FRMD6: variants seen among roughly 807,000 people sequenced by gnomAD.
FRMD6 encodes the protein FERM domain-containing protein 6.
FRMD6 carries 37 observed loss-of-function variants against 73.2 expected under a neutral mutation model. The ratio of observed to expected loss-of-function variants is 0.51; its 90% CI spans 0.39 to 0.66. FRMD6 has a LOEUF of 0.66. FRMD6 is among the 30% of genes least tolerant of loss of function. FRMD6 has a pLI of 0.00. For missense variants in FRMD6, 714 were observed against 780.5 expected, an observed-to-expected ratio of 0.91 and a Z score of 1.02; for synonymous variants, 273 against 282.2, an observed-to-expected ratio of 0.97 and a Z score of 0.33.
At chr14:51,671,515 G>A (rs1894002981) in intron 1 of FRMD6, among the ~76,000 whole-genome samples, 1 of 152,106 alleles carries the variant, frequency 6.6e-6, no homozygotes, top group African/African-American at 2.4e-5. Context: ...CATGTTATAA[G>A]ATACCTGAAT....
chr14:51,578,622 A>G (rs1289609620), intron 2 of FRMD6, among the ~76,000 whole-genome samples: 1 of 152,162 alleles, frequency 6.6e-6, no homozygotes, highest in Non-Finnish European at 1.5e-5. Flanking sequence ...GAGTTTTGCA[A>G]ATGCTTGCAT....
chr14:51,425,327 C>A, the FRMD6 span, among the ~76,000 whole-genome samples: 1 of 152,132 alleles, frequency 6.6e-6, no homozygotes, highest in Non-Finnish European at 1.5e-5. Flanking sequence ...CCTGAGGATT[C>A]CCAGGACTGA....
chr14:51,676,907 A>G (rs532515560), intron 1 of FRMD6, among the ~76,000 whole-genome samples: 1 of 152,248 alleles, frequency 6.6e-6, no homozygotes, highest in South Asian at 2.1e-4. Context: ...TAAATGAATC[A>G]TTCATTAGTT....
chr14:51,573,622 T>C (rs1888250746), intron 2 of FRMD6, among the ~76,000 whole-genome samples: 1 of 152,194 alleles, frequency 6.6e-6, no homozygotes, highest in Admixed American at 6.5e-5. Flanking sequence ...GCATACTGAA[T>C]TCTTAGGATG....
At position 51,728,321 on chromosome 14, in the gene FRMD6, G is replaced by T; in HGVS notation, c.*292G>T. On this transcript the variant is annotated 3_prime_UTR_variant, in exon 14 of 14. Coordinates refer to ENST00000344768, the MANE Select transcript of FRMD6 (RefSeq NM_001267046.2). Reference sequence around the variant, plus strand: ...CAAAGCCTTCAGAATATTGGAGTGTGGTGTGTTTGCTCATCTGATGCTTTT... The same window carrying T: ...CAAAGCCTTCAGAATATTGGAGTGTTGTGTGTTTGCTCATCTGATGCTTTT... The T allele has an allele frequency of 3.2e-6, 1 of 308,442 alleles. No individual in the cohort carries two copies. The highest frequency in any genetic ancestry group is 6.0e-6 in the Non-Finnish European group (1 of 165,874). 19.1% of individuals were successfully genotyped at this position (308,442 alleles called of 1,614,324 possible). A position where few individuals can be genotyped will look rare whatever the true frequency, so the allele number is the denominator to read the frequency against.
At chr14:51,653,487 T>C (rs1232123916) in intron 1 of FRMD6, among the ~76,000 whole-genome samples, 1 of 152,216 alleles carries the variant, frequency 6.6e-6, no homozygotes, top group African/African-American at 2.4e-5. Flanking sequence ...TTGTGACTTT[T>C]GGGTTTCCTT....
At chr14:51,484,691 A>G (rs1401284042), upstream of FRMD6, among the ~76,000 whole-genome samples, 1 of 152,202 alleles carries the variant, frequency 6.6e-6, no homozygotes, top group African/African-American at 2.4e-5. Context: ...TGAATTGTAA[A>G]TCAAACCCCG....
the FRMD6 span, among the ~76,000 whole-genome samples, chr14:51,445,514 G>C: frequency 2.0e-5 from 3 of 149,498 alleles, no homozygotes; most frequent in African/African-American, 7.4e-5. Flanking sequence ...TGATCATAAA[G>C]TTATACAATG....
chr14:51,575,155 C>A (rs1339838801), intron 2 of FRMD6, among the ~76,000 whole-genome samples: 1 of 152,080 alleles, frequency 6.6e-6, no homozygotes, highest in African/African-American at 2.4e-5. Flanking sequence ...CATTATCAAT[C>A]CTCTTTCATT....
chr14:51,666,588 A>T (rs1169743725), intron 1 of FRMD6, among the ~76,000 whole-genome samples: 1 of 152,220 alleles, frequency 6.6e-6, no homozygotes, highest in Non-Finnish European at 1.5e-5. Flanking sequence ...GAATTCCTTA[A>T]CTTTCTCATA....
chr14:51,586,069 T>C (rs540145842), intron 2 of FRMD6, among the ~76,000 whole-genome samples: 1 of 150,862 alleles, frequency 6.6e-6, no homozygotes, highest in African/African-American at 2.4e-5. Flanking sequence ...CTTTTTGATA[T>C]AATAATTTCT....
At chr14:51,505,277 C>A (rs1883889664) in intron 1 of FRMD6, among the ~76,000 whole-genome samples, 1 of 152,082 alleles carries the variant, frequency 6.6e-6, no homozygotes, top group Non-Finnish European at 1.5e-5. Context: ...CCTTATGTTG[C>A]CTAGGTTGGT....
chr14:51,503,846 T>C (rs1054936868), intron 1 of FRMD6, among the ~76,000 whole-genome samples: 6 of 131,474 alleles, frequency 4.6e-5, no homozygotes, highest in African/African-American at 1.8e-4. Flanking sequence ...TAAATCTGTT[T>C]GGTTTTGGGT....
chr14:51,656,883 T>C (rs1164761938), intron 1 of FRMD6, among the ~76,000 whole-genome samples: 1 of 152,206 alleles, frequency 6.6e-6, no homozygotes, highest in African/African-American at 2.4e-5. Flanking sequence ...ACTCTCAGTA[T>C]TCCAAATGGA....
At chr14:51,639,359 C>T (rs191612026) in intron 2 of FRMD6, among the ~76,000 whole-genome samples, 2 of 151,744 alleles carry the variant, frequency 1.3e-5, no homozygotes, top group Non-Finnish European at 2.9e-5. Context: ...GGCGTGAACC[C>T]GGTAGGCGGA....
the FRMD6 span, among the ~76,000 whole-genome samples, chr14:51,402,126 G>A: frequency 6.6e-6 from 1 of 152,186 alleles, no homozygotes; most frequent in Non-Finnish European, 1.5e-5. Flanking sequence ...ATATCTGTGT[G>A]GATAAATTCT....
At chr14:51,576,740 C>T (rs1413533697) in intron 2 of FRMD6, among the ~76,000 whole-genome samples, 7 of 152,160 alleles carry the variant, frequency 4.6e-5, no homozygotes, top group African/African-American at 7.2e-5. Context: ...ATCAGACATA[C>T]GCACGCTGGA....
the FRMD6 span, among the ~76,000 whole-genome samples, chr14:51,402,587 TA>T: frequency 6.6e-6 from 1 of 152,188 alleles, no homozygotes; most frequent in Admixed American, 6.5e-5. Flanking sequence ...GTAAGTCCAT[TA>T]AACCTCTTTC....
chr14:51,704,296 T>TA (rs898417757), intron 5 of FRMD6, among the ~76,000 whole-genome samples: 1 of 152,104 alleles, frequency 6.6e-6, no homozygotes, highest in Non-Finnish European at 1.5e-5. Context: ...TGTGTTCAGT[T>TA]AAAAAATAAT....
Sources: gnomAD v4.1 joint callset for allele counts (sites outside exome capture counted in the v4.1 genomes callset) on GRCh38, gnomAD v4.1.1 for gene constraint, MANE v1.5 for transcripts, NCBI Gene and HGNC (gene_info 2026-07-23, HGNC 2026-07-21) for gene names.